The following YBEY variants were observed in gnomAD, a reference collection of about 807,000 sequenced individuals.
YBEY encodes endoribonuclease YbeY.
YBEY carries 15 observed loss-of-function variants against 13.5 expected under a neutral mutation model. The ratio of observed to expected loss-of-function variants is 1.11; its 90% confidence interval spans 0.75 to 1.72. The LOEUF is 1.72. YBEY is among the 40% of genes most tolerant of loss of function. The pLI is 0.00. For synonymous variants in YBEY, 101 were observed against 83.1 expected, an observed-to-expected ratio of 1.21 and a Z score of -1.17; for missense variants, 244 against 208.4, an observed-to-expected ratio of 1.17 and a Z score of -1.05.
chr21:46,293,351 ACTC>A (rs2081818725), intron 3 of YBEY, among the ~76,000 whole-genome samples: 2 of 49,264 alleles, frequency 4.1e-5, no homozygotes, highest in South Asian at 1.6e-3. Context: ...CGTGCCCGGG[ACTC>A]AGTGGAGTCA....
chr21:46,291,971 C>A (rs2081730839), intron 3 of YBEY: 1 of 463,310 alleles, frequency 2.2e-6, no homozygotes, highest in Non-Finnish European at 2.8e-6. Context: ...CTCAATCTCC[C>A]AGAGAACTCA....
the YBEY span, among the ~76,000 whole-genome samples, chr21:46,305,982 C>T: frequency 6.6e-6 from 1 of 151,566 alleles, no homozygotes; most frequent in Non-Finnish European, 1.5e-5. Flanking sequence ...GTGCTATAAT[C>T]CCAGCTACTT....
At chr21:46,307,902 C>A in the YBEY span, among the ~76,000 whole-genome samples, 1 of 152,160 alleles carries the variant, frequency 6.6e-6, no homozygotes, top group Admixed American at 6.5e-5. Flanking sequence ...CTGACCATAC[C>A]ACATGTTGCC....
chr21:46,292,756 G>C (rs79222549), intron 3 of YBEY, among the ~76,000 whole-genome samples: 80 of 106,356 alleles, frequency 7.5e-4, no homozygotes, highest in African/African-American at 2.4e-3. Context: ...ACCCGTGCCC[G>C]GGACTCAGTG....
At chr21:46,312,479 C>T in the YBEY span, among the ~76,000 whole-genome samples, 428 of 152,210 alleles carry the variant, frequency 2.8e-3, 5 homozygotes, top group African/African-American at 9.2e-3. Flanking sequence ...CCACCACGCC[C>T]GGCTAATTTT....
the YBEY span, among the ~76,000 whole-genome samples, chr21:46,304,849 C>T: frequency 6.6e-6 from 1 of 152,308 alleles, no homozygotes; most frequent in Non-Finnish European, 1.5e-5. Context: ...TAAATGGAGG[C>T]AGAAATGTGG....
chr21:46,301,971 C>G (rs1180242674), downstream of YBEY: 17 of 1,488,894 alleles, frequency 1.1e-5, no homozygotes, highest in Admixed American at 3.8e-4. Flanking sequence ...GTGGAGGGTG[C>G]CCCGGCCAGG....
downstream of YBEY, chr21:46,301,570 CT>C: frequency 1.0e-6 from 1 of 994,038 alleles, no homozygotes; most frequent in Non-Finnish European, 1.2e-6. Flanking sequence ...TTGATCTTTT[CT>C]GTTCTGGCTC....
At chr21:46,298,434 C>CTTTTTTTTTTTTTTTTTT (rs557264546), downstream of YBEY, among the ~76,000 whole-genome samples, 154 of 97,098 alleles carry the variant, frequency 1.6e-3, 25 homozygotes, top group Non-Finnish European at 2.4e-3. Context: ...TTAATCCAAG[C>CTTTTTTTTTTTTTTTTTT]TTTTTTTTTT....
chr21:46,301,942 G>A (rs1464328914), downstream of YBEY: 1 of 1,452,732 alleles, frequency 6.9e-7, no homozygotes, highest in African/African-American at 1.4e-5. Flanking sequence ...ACAGCCCACA[G>A]CCCTGAGGAA....
At chr21:46,312,268 G>T in the YBEY span, among the ~76,000 whole-genome samples, 35 of 152,200 alleles carry the variant, frequency 2.3e-4, no homozygotes, top group African/African-American at 8.4e-4. Context: ...GTGGGCTGAG[G>T]CCTGGTTCCA....
At chr21:46,303,708 A>AATAT in the YBEY span, among the ~76,000 whole-genome samples, 10 of 37,264 alleles carry the variant, frequency 2.7e-4, no homozygotes, top group African/African-American at 9.4e-4. Flanking sequence ...ACACACACAA[A>AATAT]ATATATATAT....
chr21:46,297,826 C>A (rs1036927296), downstream of YBEY: 5 of 1,191,724 alleles, frequency 4.2e-6, no homozygotes, highest in South Asian at 2.2e-4. Context: ...GTCTGGAGTT[C>A]AGGGAACGCG....
chr21:46,311,723 CCATCCATCCAACCAACCATCCACCCACT>C, the YBEY span: 9 of 465,380 alleles, frequency 1.9e-5, no homozygotes, highest in Non-Finnish European at 7.9e-6. Context: ...AACCATCCAC[CCATCCATCCAACCAACCATCCACCCACT>C]CATCCATCCA....
chr21:46,299,697 CAGTG>C (rs966868168), downstream of YBEY, among the ~76,000 whole-genome samples: 2 of 152,142 alleles, frequency 1.3e-5, no homozygotes, highest in African/African-American at 2.4e-5. Context: ...CAACCTCTCT[CAGTG>C]AGTGTCACCC....
At chr21:46,298,919 G>A (rs1038067781), downstream of YBEY, among the ~76,000 whole-genome samples, 8 of 151,342 alleles carry the variant, frequency 5.3e-5, no homozygotes, top group South Asian at 2.1e-4. Context: ...ACAGGGTTTC[G>A]CTGTGTTGAC....
At chr21:46,290,235 G>T (rs2081644833) in intron 2 of YBEY, among the ~76,000 whole-genome samples, 1 of 150,400 alleles carries the variant, frequency 6.6e-6, no homozygotes, top group African/African-American at 2.4e-5. Context: ...ACGGAGTCTT[G>T]CTCTGTCAGC....
At chr21:46,296,056 G>C (rs2145836252) in intron 3 of YBEY, 106 bp from the exon 4 acceptor site, 1 of 1,186,952 alleles carries the variant, frequency 8.4e-7, no homozygotes, top group South Asian at 1.3e-5. Flanking sequence ...GCAACCCTGG[G>C]GTCCTGCAGC....
downstream of YBEY, chr21:46,300,873 T>G: frequency 9.1e-7 from 1 of 1,095,986 alleles, no homozygotes; most frequent in Non-Finnish European, 1.2e-6. Flanking sequence ...GAAACATAAT[T>G]GCACCCAAAA....
Sources: allele counts gnomAD v4.1 joint callset (sites outside exome capture counted in the v4.1 genomes callset), GRCh38; gene constraint gnomAD v4.1.1; transcripts MANE v1.5; gene names NCBI Gene and HGNC (gene_info 2026-07-23, HGNC 2026-07-21).